The following ALG9 variants were observed in gnomAD, a reference collection of about 807,000 sequenced individuals.
ALG9 encodes the protein alpha-1,2-mannosyltransferase ALG9.
In ALG9, 55 loss-of-function variants were observed where a neutral mutation model predicts 81.8. That is an observed-to-expected ratio of 0.67 (90% CI 0.54 to 0.84). The LOEUF (loss-of-function observed/expected upper bound fraction) is 0.84. Ranked by LOEUF, ALG9 falls within the 40% of genes least tolerant of loss-of-function variation. ALG9 has a pLI of 0.00. For synonymous variants in ALG9, 278 were observed against 274.3 expected (o/e 1.01, Z -0.13); for missense variants, 629 against 745.0 (o/e 0.84, Z 1.81).
chr11:111,864,866 C>T lies in ALG9; in HGVS notation c.476+315G>A, dbSNP rs574197805. On this transcript the variant is annotated intron_variant, in intron 4 of 14. Coordinates refer to ENST00000616540, the MANE Select transcript of ALG9 (RefSeq NM_024740.2). The stretch of plus-strand genomic sequence containing the variant: ...AATCTCAGCTCACCACAACCTCCAC[C>T]TCCCAAGTTCAAGTGACTCTCCTGC... Among the ~76,000 whole-genome samples, 3 of 152,266 alleles carry T rather than the reference C, an allele frequency of 2.0e-5. No homozygotes were observed. The South Asian group carries it at 6.2e-4, about 32-fold the overall frequency.
intron 12 of ALG9, 124 bp from the exon 13 acceptor site, chr11:111,836,418 A>G (rs1443510133): frequency 1.5e-6 from 2 of 1,303,544 alleles, no homozygotes; most frequent in Non-Finnish European, 2.1e-6. Context: ...TATTTCTGCT[A>G]AAACCTCAAC....
downstream of ALG9, chr11:111,778,175 C>A (rs1416322407): frequency 3.3e-5 from 5 of 152,104 alleles, no homozygotes; most frequent in African/African-American, 1.2e-4. Flanking sequence ...TAGGTCCTTA[C>A]CTGAGCAGGC....
intron 11 of ALG9, 70 bp from the exon 12 acceptor site, chr11:111,837,685 C>A: frequency 1.3e-6 from 2 of 1,541,528 alleles, no homozygotes; most frequent in South Asian, 2.3e-5. Context: ...TTATACTGCT[C>A]ATTAATGTCG....
Position 111,844,669 on chromosome 11 carries a change from G to T in ALG9, c.950C>A (p.Ala317Asp), listed in dbSNP as rs1212248738. 1 of 1,613,960 alleles carries T rather than the reference G, an allele frequency of 6.2e-7. No individual in the cohort carries two copies. Among genetic ancestry groups the T allele is most frequent in the Non-Finnish European group, 8.5e-7 (1 of 1,179,924 alleles). ...TAGGACTAGGAGAGCCAAAGCAAAGGCTACATTGAAATTCAGAAATCCATT... is the reference window on the plus strand; with the variant it reads ...TAGGACTAGGAGAGCCAAAGCAAAGTCTACATTGAAATTCAGAAATCCATT... The part of the protein sequence containing the change: ...LINGFLNFNV[A>D]FALALLVLPL... The change falls in exon 9 of 15, where the codon GCC becomes GAC. Residue 317 changes from alanine (A) to aspartate (D), a missense_variant. By Grantham distance (126) the Ala-to-Asp change is moderately radical (BLOSUM62 -2). Coordinates refer to ENST00000616540, the MANE Select transcript of ALG9 (RefSeq NM_024740.2).
Position 111,837,498 on chromosome 11 carries a change from C to T in ALG9, c.1442G>A (p.Arg481Gln), listed in dbSNP as rs1555118614. ...AGGAAGAAGGAAGCTGCTGGGAAATCGATACCACTCTTTTCCCACACAGAC... is the reference window on the plus strand; with the variant it reads ...AGGAAGAAGGAAGCTGCTGGGAAATTGATACCACTCTTTTCCCACACAGAC... ...VNVCVGKEWY[R>Q]FPSSFLLPDN... Residue 481 changes from arginine to glutamine, a missense_variant, in exon 12 of 15, where the codon CGA becomes CAA. Arg to Gln is a conservative substitution (Grantham distance 43). This residue lies in a region of ALG9 where 264 missense variants were observed against 302.2 expected (regional missense o/e 0.87). Transcript: ENST00000616540. 6.8e-6 allele frequency: 11 copies of T among 1,614,112 alleles called. No individual in the cohort carries two copies. Among genetic ancestry groups the T allele is most frequent in the Middle Eastern group, 1.7e-4 (1 of 6,036 alleles).
At chr11:111,804,553 T>C (rs1228036348) in intron 14 of ALG9, among the ~76,000 whole-genome samples, 1 of 152,166 alleles carries the variant, frequency 6.6e-6, no homozygotes, top group African/African-American at 2.4e-5. Flanking sequence ...ACTACACCAC[T>C]GTACTCCAGC....
intron 10 of ALG9, among the ~76,000 whole-genome samples, chr11:111,838,974 TAGACAG>T (rs1955777089): frequency 6.6e-6 from 1 of 152,178 alleles, no homozygotes; most frequent in Non-Finnish European, 1.5e-5. Context: ...CCTTCCCTTC[TAGACAG>T]AAACTACTTA....
intron 5 of ALG9, 110 bp downstream of exon 5, chr11:111,860,437 T>C (rs1269253899): frequency 5.5e-6 from 5 of 915,170 alleles, no homozygotes; most frequent in Non-Finnish European, 9.1e-6. Context: ...TTTGGACAAA[T>C]GCTTCCTTTA....
At chr11:111,808,043 G>A (rs763286714) in intron 14 of ALG9, among the ~76,000 whole-genome samples, 15 of 152,236 alleles carry the variant, frequency 9.9e-5, no homozygotes, top group South Asian at 4.1e-4. Context: ...GCATTCCAGC[G>A]TCGTGACAGA....
intron 13 of ALG9, among the ~76,000 whole-genome samples, chr11:111,821,519 A>C (rs1952375334): frequency 6.6e-6 from 1 of 152,144 alleles, no homozygotes; most frequent in African/African-American, 2.4e-5. Context: ...AGTTTTGCTG[A>C]ATCATAGGTA....
At chr11:111,786,599 T>G (rs1303026629) in intron 14 of ALG9, 79 bp from the exon 15 acceptor site, 20 of 1,449,138 alleles carry the variant, frequency 1.4e-5, no homozygotes, top group Non-Finnish European at 1.6e-5. Flanking sequence ...TTAAAATAAA[T>G]AAACTAATCT....
intron 13 of ALG9, among the ~76,000 whole-genome samples, chr11:111,811,638 T>C (rs191980886): frequency 7.4e-4 from 112 of 151,678 alleles, no homozygotes; most frequent in African/African-American, 2.5e-3. Context: ...ATGTGGTATA[T>C]CCATACAATA....
Position 111,865,224 on chromosome 11 carries a change from G to T in ALG9, c.433C>A (p.Leu145Ile). The T allele has an allele frequency of 6.4e-7, 1 of 1,552,582 alleles. No homozygotes were observed. Among genetic ancestry groups the T allele is most frequent in the South Asian group, 1.2e-5 (1 of 83,698 alleles). Residue 145 changes from leucine to isoleucine, a missense_variant, in exon 4 of 15, where the codon CTT becomes ATT. By Grantham distance (5) the Leu-to-Ile change is conservative. Coordinates refer to ENST00000616540, the MANE Select transcript of ALG9 (RefSeq NM_024740.2). The part of the protein sequence containing the change: ...KILVFYFLRC[L>I]LAFVSCICEL... ...CAAATACAGCTCACAAAAGCCAGAA[G>T]ACATCGCAAAAAGTAAAACACAAGA...
At chr11:111,843,732 C>T (rs943874097) in intron 9 of ALG9, among the ~76,000 whole-genome samples, 1 of 152,142 alleles carries the variant, frequency 6.6e-6, no homozygotes, top group Non-Finnish European at 1.5e-5. Context: ...AAAACACCAG[C>T]TGTGCACTAC....
At chr11:111,778,226 C>A (rs1278888263), downstream of ALG9, 2 of 152,144 alleles carry the variant, frequency 1.3e-5, no homozygotes, top group East Asian at 3.9e-4. Flanking sequence ...GAAGGCCAGG[C>A]AGTATTCCTG....
intron 14 of ALG9, among the ~76,000 whole-genome samples, chr11:111,806,595 G>T (rs536853522): frequency 3.3e-5 from 5 of 152,148 alleles, no homozygotes; most frequent in African/African-American, 9.6e-5. Flanking sequence ...CTACACACTG[G>T]AGTTTCCCTG....
At chr11:111,795,813 G>A (rs892695565) in intron 14 of ALG9, among the ~76,000 whole-genome samples, 1 of 152,166 alleles carries the variant, frequency 6.6e-6, no homozygotes, top group Non-Finnish European at 1.5e-5. Context: ...TCAGAGTGAG[G>A]AACTGGGGAA....
In ALG9 at chr11:111,857,569, C is replaced by T. The variant is rs782611718; in HGVS notation, c.701+33G>A. ...ACATTAAGATTTACTATATGCCCAG[C>T]GATATATGGGAGGAGAACTGTTAGT... On this transcript the variant is annotated intron_variant, in intron 6 of 14. Coordinates refer to ENST00000616540, the MANE Select transcript of ALG9 (RefSeq NM_024740.2). The T allele has an allele frequency of 2.0e-5, 33 of 1,613,420 alleles. No homozygotes were observed. The East Asian group carries it at 4.5e-4, about 22-fold the overall frequency.
intron 14 of ALG9, among the ~76,000 whole-genome samples, chr11:111,790,134 C>G (rs1312473005): frequency 6.6e-6 from 1 of 152,118 alleles, no homozygotes; most frequent in African/African-American, 2.4e-5. Flanking sequence ...GAGCTCAAGA[C>G]CAGCCTGGCC....
Sources: allele counts gnomAD v4.1 joint callset (sites outside exome capture counted in the v4.1 genomes callset), GRCh38; gene constraint gnomAD v4.1.1; regional missense constraint gnomAD v4.1.1; transcripts MANE v1.5; gene names NCBI Gene and HGNC (gene_info 2026-07-23, HGNC 2026-07-21).